Variants in DEPDC1B observed in about 807,000 individuals in gnomAD.
DEPDC1B encodes the protein DEP domain-containing protein 1B.
In DEPDC1B, 51 loss-of-function variants were observed where a neutral mutation model predicts 66.5. That is an observed-to-expected ratio of 0.77 (90% CI 0.61 to 0.97). The LOEUF is 0.97. Ranked by LOEUF, DEPDC1B falls within the 50% of genes least tolerant of loss-of-function variation. The pLI is 0.00. For missense variants in DEPDC1B, 552 were observed against 637.1 expected (o/e 0.87, Z 1.44); for synonymous variants, 226 against 223.6 (o/e 1.01, Z -0.10).
At chr5:60,634,837 A>G (rs1014455996) in intron 7 of DEPDC1B, among the ~76,000 whole-genome samples, 3 of 151,912 alleles carry the variant, frequency 2.0e-5, no homozygotes, top group Non-Finnish European at 4.4e-5. Context: ...AGCAACAGTC[A>G]TTATGTTTTG....
intron 2 of DEPDC1B, among the ~76,000 whole-genome samples, chr5:60,683,720 C>T (rs1037455978): frequency 5.3e-5 from 8 of 152,244 alleles, no homozygotes; most frequent in African/African-American, 1.2e-4. Context: ...TGCCCAGTTT[C>T]ACCACTCTTA....
intron 2 of DEPDC1B, among the ~76,000 whole-genome samples, chr5:60,660,318 G>A (rs1053008311): frequency 9.6e-6 from 1 of 104,600 alleles, no homozygotes; most frequent in South Asian, 2.9e-4. Flanking sequence ...GAGACAAAGG[G>A]GGGGAGAGAG....
intron 7 of DEPDC1B, among the ~76,000 whole-genome samples, chr5:60,632,345 C>T (rs1752944926): frequency 6.6e-6 from 1 of 152,210 alleles, no homozygotes; most frequent in Admixed American, 6.5e-5. Flanking sequence ...TTGATGCCAC[C>T]ACCACAGGCA....
intron 7 of DEPDC1B, among the ~76,000 whole-genome samples, chr5:60,607,481 A>G (rs1264233438): frequency 6.6e-6 from 1 of 152,212 alleles, no homozygotes; most frequent in Non-Finnish European, 1.5e-5. Flanking sequence ...ACAAATATTT[A>G]TGAACCCCCA....
intron 2 of DEPDC1B, among the ~76,000 whole-genome samples, chr5:60,667,052 C>CA (rs1471827218): frequency 6.6e-6 from 1 of 152,088 alleles, no homozygotes; most frequent in African/African-American, 2.4e-5. Flanking sequence ...CTCAGCAATA[C>CA]AAAATCAAAA....
intron 1 of DEPDC1B, among the ~76,000 whole-genome samples, chr5:60,690,931 C>T (rs141054805): frequency 6.6e-6 from 1 of 152,312 alleles, no homozygotes; most frequent in East Asian, 1.9e-4. Context: ...GAGCATACAA[C>T]AGCAGGAGCT....
chr5:60,658,866 C>T (rs1290107715), intron 2 of DEPDC1B, among the ~76,000 whole-genome samples: 1 of 152,170 alleles, frequency 6.6e-6, no homozygotes, highest in East Asian at 1.9e-4. Flanking sequence ...TGAGCTTTTG[C>T]TCACCATCCA....
intron 3 of DEPDC1B, among the ~76,000 whole-genome samples, chr5:60,646,293 C>T (rs1401361488): frequency 6.6e-6 from 1 of 152,176 alleles, no homozygotes; most frequent in African/African-American, 2.4e-5. Context: ...CTAGAAGAAT[C>T]TACCTTTGCT....
At chr5:60,689,807 T>C (rs1754502846) in intron 1 of DEPDC1B, among the ~76,000 whole-genome samples, 1 of 152,002 alleles carries the variant, frequency 6.6e-6, no homozygotes, top group South Asian at 2.1e-4. Flanking sequence ...TTTGAGAGGA[T>C]GAGGTGGGCA....
intron 7 of DEPDC1B, among the ~76,000 whole-genome samples, chr5:60,620,616 C>T (rs1275564556): frequency 2.3e-4 from 35 of 152,104 alleles, no homozygotes; most frequent in Admixed American, 4.6e-4. Flanking sequence ...GTTAGAATGG[C>T]GATCATTAAA....
At chr5:60,606,045 C>T (rs762338690) in intron 7 of DEPDC1B, among the ~76,000 whole-genome samples, 189 bp from the exon 8 acceptor site, 9 of 152,118 alleles carry the variant, frequency 5.9e-5, no homozygotes, top group Non-Finnish European at 1.2e-4. Flanking sequence ...AAACCATCAA[C>T]CAGGCATGAC....
intron 7 of DEPDC1B, among the ~76,000 whole-genome samples, chr5:60,636,015 T>A (rs891171005): frequency 6.6e-6 from 1 of 152,192 alleles, no homozygotes; most frequent in African/African-American, 2.4e-5. Flanking sequence ...CTGCTTCCTA[T>A]CTGCCTCCCT....
chr5:60,656,787 TC>T (rs1753588589), intron 2 of DEPDC1B, among the ~76,000 whole-genome samples: 1 of 152,048 alleles, frequency 6.6e-6, no homozygotes, highest in Admixed American at 6.6e-5. Context: ...AGGAAAACTG[TC>T]CCCAGGATCC....
At position 60,638,734 on chromosome 5, in the gene DEPDC1B, T is replaced by C; in HGVS notation, c.898+16A>G. The stretch of plus-strand genomic sequence containing the variant: ...TATCAGTGATGTAGATATATGTTCA[T>C]TATATTCCAACTTACCCAGTACACT... On this transcript the variant is annotated intron_variant, in intron 7 of 10. Transcript: ENST00000265036. The C allele has an allele frequency of 6.3e-7, 1 of 1,597,674 alleles. No individual in the cohort carries two copies.
chr5:60,611,810 G>A (rs1752418988), intron 7 of DEPDC1B, among the ~76,000 whole-genome samples: 1 of 152,190 alleles, frequency 6.6e-6, no homozygotes, highest in Non-Finnish European at 1.5e-5. Flanking sequence ...GAGGAAAGAG[G>A]CTGTCTTCAT....
chr5:60,609,410 A>G (rs573866777), intron 7 of DEPDC1B, among the ~76,000 whole-genome samples: 1 of 152,302 alleles, frequency 6.6e-6, no homozygotes, highest in South Asian at 2.1e-4. Flanking sequence ...CTTTAAATCC[A>G]TAATCATTCC....
chr5:60,628,086 T>C (rs1285947561), intron 7 of DEPDC1B: 1 of 152,212 alleles, frequency 6.6e-6, no homozygotes. Flanking sequence ...ATCATTTAGC[T>C]GGCTTGAAGT....
At position 60,621,590 on chromosome 5, in the gene DEPDC1B, G is replaced by A. The variant is rs563309116; in HGVS notation, c.899-15734C>T. On this transcript the variant is annotated intron_variant, in intron 7 of 10. Coordinates refer to ENST00000265036, the MANE Select transcript of DEPDC1B (RefSeq NM_018369.3). The stretch of plus-strand genomic sequence containing the variant: ...AGGAGACACACCTAATGTAAATGTC[G>A]ACTTAATGGGTGCAGCACACCAACA... 3.0e-3 allele frequency among the ~76,000 whole-genome samples: 450 copies of A among 151,764 alleles called. 3 individuals are homozygous for A. Among genetic ancestry groups the A allele is most frequent in the Non-Finnish European group, 5.0e-3 (338 of 67,926 alleles).
chr5:60,676,082 C>T (rs538000819), intron 2 of DEPDC1B, among the ~76,000 whole-genome samples: 74 of 152,028 alleles, frequency 4.9e-4, no homozygotes, highest in African/African-American at 1.7e-3. Flanking sequence ...CACCTGCCAC[C>T]ACGCCCAGCT....
Sources: allele counts gnomAD v4.1 joint callset (sites outside exome capture counted in the v4.1 genomes callset), GRCh38; gene constraint gnomAD v4.1.1; transcripts MANE v1.5; gene names NCBI Gene and HGNC (gene_info 2026-07-23, HGNC 2026-07-21).